The following SNX31 variants were observed in gnomAD, a reference collection of about 807,000 sequenced individuals.
SNX31 encodes sorting nexin 31, also known as sorting nexin-31.
SNX31 carries 58 observed loss-of-function variants against 65.4 expected under a neutral mutation model. That is an observed-to-expected ratio of 0.89 (90% CI 0.72 to 1.10). SNX31 has a LOEUF of 1.10. SNX31 is among the 50% of genes least tolerant of loss of function. The pLI, the probability that SNX31 is intolerant of heterozygous loss-of-function variation, is 0.00. For synonymous variants in SNX31, 181 were observed against 190.1 expected, an observed-to-expected ratio of 0.95 and a Z score of 0.39; for missense variants, 523 against 529.7, an observed-to-expected ratio of 0.99 and a Z score of 0.12.
In SNX31 at chr8:100,630,402, T is replaced by C. The variant is rs1445087584; in HGVS notation, c.257-11A>G. ...TTGGGTCCATGGTTACTGAAAAACA[T>C]GGACGGTGAGCCAGGTTAGCATGGG... On this transcript the variant is annotated splice_polypyrimidine_tract_variant and intron_variant, in intron 3 of 13. Coordinates refer to ENST00000311812, the MANE Select transcript of SNX31 (RefSeq NM_152628.4). The surrounding 1 kb of genome is among the most constrained non-coding windows in gnomAD (Gnocchi z 5.3). The C allele has an allele frequency of 6.2e-7, 1 of 1,611,052 alleles. No homozygotes were observed. Among genetic ancestry groups the C allele is most frequent in the East Asian group, 2.2e-5 (1 of 44,730 alleles).
chr8:100,657,850 G>A, intron 1 of SNX31: 1 of 434,046 alleles, frequency 2.3e-6, no homozygotes, highest in Non-Finnish European at 4.6e-6. Context: ...CAGCCTGGGT[G>A]ACAAAGGTAG....
At position 100,660,554 on chromosome 8, in the gene SNX31, A is replaced by T. The variant is rs1285689174; in HGVS notation, c.-58+2588T>A. 1.3e-5 allele frequency among the ~76,000 whole-genome samples: 2 copies of T among 152,204 alleles called. No individual in the cohort carries two copies. The highest frequency in any genetic ancestry group is 4.8e-5 in the African/African-American group (2 of 41,436). ...ACCAGGTCCTGCAATGTCACTCAGCACGGGGCTCTAACTCAAGTGGCAGGC... is the reference window on the plus strand; with the variant it reads ...ACCAGGTCCTGCAATGTCACTCAGCTCGGGGCTCTAACTCAAGTGGCAGGC... On this transcript the variant is annotated intron_variant, in intron 1 of 5. Coordinates refer to the SNX31 transcript ENST00000520352. The surrounding 1 kb of genome is among the most constrained non-coding windows in gnomAD (Gnocchi z 4.1).
chr8:100,587,317 A>G (rs1410061869), intron 11 of SNX31, among the ~76,000 whole-genome samples: 2 of 152,208 alleles, frequency 1.3e-5, no homozygotes, highest in East Asian at 3.8e-4. Flanking sequence ...AAAGTCCAAA[A>G]TGTGAAACTT....
At chr8:100,618,884 G>A (rs527286382) in intron 4 of SNX31, 53 of 154,646 alleles carry the variant, frequency 3.4e-4, no homozygotes, top group Non-Finnish European at 6.6e-4. Context: ...TGGAGGTGCC[G>A]TTATGGAAGC....
intron 5 of SNX31, among the ~76,000 whole-genome samples, chr8:100,616,888 C>T (rs1164355488): frequency 6.6e-6 from 1 of 152,182 alleles, no homozygotes; most frequent in Non-Finnish European, 1.5e-5. Context: ...GACTCTTCTT[C>T]ATGTTTATAA....
At chr8:100,596,502 T>C in intron 10 of SNX31, 137 bp downstream of exon 10, 1 of 684,358 alleles carries the variant, frequency 1.5e-6, no homozygotes, top group Admixed American at 2.4e-5. Flanking sequence ...CACTAGGTGA[T>C]ATTTAATGTG....
intron 8 of SNX31, among the ~76,000 whole-genome samples, chr8:100,607,780 T>C (rs1179572259): frequency 6.6e-6 from 1 of 152,204 alleles, no homozygotes; most frequent in Non-Finnish European, 1.5e-5. Context: ...ATAAATATTA[T>C]ATATATACCT....
rs775149512 is a variant in SNX31 at position 100,612,080 on chromosome 8, T to G, written c.531A>C (p.Lys177Asn). The G allele has an allele frequency of 9.3e-6, 15 of 1,613,376 alleles. No homozygotes were observed. Among genetic ancestry groups the G allele is most frequent in the Non-Finnish European group, 1.1e-5 (13 of 1,179,472 alleles). Residue 177 changes from lysine to asparagine, a missense_variant, in exon 7 of 14, where the codon AAA becomes AAC. By Grantham distance (94) the Lys-to-Asn change is moderately conservative. Transcript: ENST00000311812. This position sits in a 1 kb window ranked among gnomAD's most constrained non-coding sequence, Gnocchi z 4.3. ...FGKEGKLSVV[K>N]KLADFELPYV... ...AAGGGAGTTCAAAGTCAGCCAATTT[T>G]TTCACAACTAGAGAAAGGAGAAAGC...
At chr8:100,598,744 G>A (rs1320791368) in intron 9 of SNX31, among the ~76,000 whole-genome samples, 1 of 152,164 alleles carries the variant, frequency 6.6e-6, no homozygotes, top group Non-Finnish European at 1.5e-5. Context: ...ATTTTGATCA[G>A]GGATTGGTAA....
chr8:100,652,462 G>GA (rs1311543985), upstream of SNX31, among the ~76,000 whole-genome samples: 7 of 152,204 alleles, frequency 4.6e-5, no homozygotes, highest in Non-Finnish European at 1.0e-4. Context: ...TTATGAGCCA[G>GA]GCGCTGCAGT....
At chr8:100,591,769 C>T (rs560018019) in intron 10 of SNX31, among the ~76,000 whole-genome samples, 6 of 152,104 alleles carry the variant, frequency 3.9e-5, no homozygotes, top group East Asian at 3.9e-4. Flanking sequence ...GTTGAGGCTG[C>T]GGTGAGCCAT....
At chr8:100,653,378 G>A (rs1273385967), upstream of SNX31, among the ~76,000 whole-genome samples, 1 of 152,222 alleles carries the variant, frequency 6.6e-6, no homozygotes, top group Non-Finnish European at 1.5e-5. Flanking sequence ...TGGAAATAGG[G>A]TCTTGGCAGA....
rs992618914 is a variant in SNX31, at chr8:100,630,289, A to G, written c.321+38T>C. 1.6e-5 allele frequency: 25 copies of G among 1,599,466 alleles called. No homozygotes were observed. The highest frequency in any genetic ancestry group is 2.1e-5 in the Non-Finnish European group (25 of 1,167,292). On this transcript the variant is annotated intron_variant, in intron 4 of 13. Transcript: ENST00000311812. The surrounding 1 kb of genome is among the most constrained non-coding windows in gnomAD (Gnocchi z 5.3). ...ACTTGGTTCATGAAGAGTGTCCTGC[A>G]GAGGAATGATGGCCCCATTAAAGAA...
intron 2 of SNX31, among the ~76,000 whole-genome samples, chr8:100,643,358 T>G (rs1819403260): frequency 6.6e-6 from 1 of 152,076 alleles, no homozygotes. Context: ...CCCCTATACC[T>G]ATGCCAAAAT....
chr8:100,645,391 A>T (rs1819551094), intron 2 of SNX31, among the ~76,000 whole-genome samples: 1 of 152,194 alleles, frequency 6.6e-6, no homozygotes, highest in Non-Finnish European at 1.5e-5. Context: ...AATAAAAACT[A>T]GCTGAGAAAT....
chr8:100,600,504 CAT>C, intron 8 of SNX31, 63 bp from the exon 9 acceptor site: 1 of 1,379,152 alleles, frequency 7.3e-7, no homozygotes, highest in Non-Finnish European at 1.0e-6. Context: ...CTGACAAAAA[CAT>C]ACTCTTGTAT....
At chr8:100,581,833 G>A (rs1055762448) in intron 12 of SNX31, among the ~76,000 whole-genome samples, 4 of 152,164 alleles carry the variant, frequency 2.6e-5, no homozygotes, top group African/African-American at 4.8e-5. Flanking sequence ...TTAATCGACT[G>A]TACTTGTGAG....
At position 100,604,361 on chromosome 8, in the gene SNX31, G is replaced by A. The variant is rs1324626510; in HGVS notation, c.682-3920C>T. On this transcript the variant is annotated intron_variant, in intron 8 of 13. Transcript: ENST00000311812. This position sits in a 1 kb window ranked among gnomAD's most constrained non-coding sequence, Gnocchi z 4.3. ...AGTCTCACACGCTCTAGTGTCCTCTGCAGAGGGCACAGTAGTGAGAAATAG... is the reference window on the plus strand; with the variant it reads ...AGTCTCACACGCTCTAGTGTCCTCTACAGAGGGCACAGTAGTGAGAAATAG... Among the ~76,000 whole-genome samples, 4 of 152,234 alleles carry A rather than the reference G, an allele frequency of 2.6e-5. No homozygotes were observed. The highest frequency in any genetic ancestry group is 5.9e-5 in the Non-Finnish European group (4 of 68,038).
Position 100,613,892 on chromosome 8 carries a change from C to T in SNX31, c.433-807G>A, listed in dbSNP as rs917735744. ...GCTCTCGAGTAATTTCTTTATACTC[C>T]TGGTCTTAACTCACTAAATCACCTC... On this transcript the variant is annotated intron_variant, in intron 5 of 13. Coordinates refer to ENST00000311812, the MANE Select transcript of SNX31 (RefSeq NM_152628.4). The surrounding 1 kb of genome is among the most constrained non-coding windows in gnomAD (Gnocchi z 5.2). Among the ~76,000 whole-genome samples, 4 of 152,104 alleles carry T rather than the reference C, an allele frequency of 2.6e-5. No individual in the cohort carries two copies. Among genetic ancestry groups the T allele is most frequent in the Non-Finnish European group, 5.9e-5 (4 of 68,028 alleles).
Sources: gnomAD v4.1 joint callset for allele counts (sites outside exome capture counted in the v4.1 genomes callset) on GRCh38, gnomAD v4.1.1 for gene constraint, Gnocchi (gnomAD v3.1) non-coding constraint, MANE v1.5 for transcripts, NCBI Gene and HGNC (gene_info 2026-07-23, HGNC 2026-07-21) for gene names.